The following STX11 variants were observed in gnomAD, a reference collection of about 807,000 sequenced individuals.
STX11 encodes syntaxin-11.
In STX11, 21 loss-of-function variants were observed where a neutral mutation model predicts 19.9. That is an observed-to-expected ratio of 1.06 (90% CI 0.75 to 1.52). The LOEUF (loss-of-function observed/expected upper bound fraction) is 1.52, where lower values mean the gene tolerates loss of function less well. STX11 is among the 40% of genes most tolerant of loss of function. The pLI, the probability that STX11 is intolerant of heterozygous loss-of-function variation, is 0.00. For missense variants in STX11, 438 were observed against 405.9 expected (o/e 1.08, Z -0.68); for synonymous variants, 193 against 174.4 (o/e 1.11, Z -0.84).
intron 1 of STX11, among the ~76,000 whole-genome samples, chr6:144,173,550 A>AACT (rs1270674838): frequency 6.6e-6 from 1 of 152,238 alleles, no homozygotes; most frequent in African/African-American, 2.4e-5. Context: ...TCTCTAAATA[A>AACT]TGCTTGCAAA....
In STX11 at chr6:144,175,233, A is replaced by C. The variant is rs1801749995; in HGVS notation, c.-5-11390A>C. On this transcript the variant is annotated intron_variant, in intron 1 of 1. Coordinates refer to ENST00000367568, the MANE Select transcript of STX11 (RefSeq NM_003764.4). This position sits in a 1 kb window ranked among gnomAD's most constrained non-coding sequence, Gnocchi z 5.1. ...ACTCCAGCCTGGGCAACAGAGCGAG[A>C]CCCTGTGTCAAACAATAATAATAAT... Among the ~76,000 whole-genome samples, 1 of 152,174 alleles carries C rather than the reference A, an allele frequency of 6.6e-6. No homozygotes were observed. Among genetic ancestry groups the C allele is most frequent in the African/African-American group, 2.4e-5 (1 of 41,428 alleles).
the STX11 span, among the ~76,000 whole-genome samples, chr6:144,141,293 C>T: frequency 2.2e-3 from 341 of 152,302 alleles, 6 homozygotes; most frequent in East Asian, 0.046. Context: ...ACATATCAAA[C>T]TTCAGGCCTC....
rs777737910 is a variant in STX11, at chr6:144,186,783, G to A, written c.156G>A (p.Gln52=). 6.2e-7 allele frequency: 1 copy of A among 1,613,998 alleles called. No homozygotes were observed. The highest frequency in any genetic ancestry group is 8.5e-7 in the Non-Finnish European group (1 of 1,180,006). ...ESLYRDIRDI[Q]DENQLLVADV... is the part of the protein sequence containing the mutation. ...TGTACCGAGACATCCGGGACATTCA[G>A]GATGAAAACCAGCTGCTGGTGGCCG... Residue 52 remains glutamine, a synonymous_variant, in exon 2 of 2, where the codon CAG becomes CAA. Transcript: ENST00000367568.
At chr6:144,157,332 T>C (rs994737369) in intron 1 of STX11, among the ~76,000 whole-genome samples, 15 of 152,220 alleles carry the variant, frequency 9.9e-5, no homozygotes, top group African/African-American at 2.7e-4. Flanking sequence ...CAACTAATCA[T>C]TGGATGCAGG....
At chr6:144,168,939 A>G (rs1043971819) in intron 1 of STX11, among the ~76,000 whole-genome samples, 3 of 152,256 alleles carry the variant, frequency 2.0e-5, no homozygotes, top group African/African-American at 7.2e-5. Flanking sequence ...GAGGATGAGC[A>G]GGACAGATGT....
rs925532411 is a variant in STX11 at position 144,169,640 on chromosome 6, CCTTTT to C, written c.-5-16976_-5-16972del. Among the ~76,000 whole-genome samples, 9 of 151,730 alleles carry C rather than the reference CCTTTT, an allele frequency of 5.9e-5. No homozygotes were observed. The highest frequency in any genetic ancestry group is 1.3e-4 in the Non-Finnish European group (9 of 67,892). On this transcript the variant is annotated intron_variant, in intron 1 of 1. Transcript: ENST00000367568. The surrounding 1 kb of genome is among the most constrained non-coding windows in gnomAD (Gnocchi z 5.2). ...CCCTCCTCCCCTTCCTTTTTTCTCT[CCTTTT>C]CTTTTCCCTCCCTCCCTCCCTTCCT...
chr6:144,183,665 TCAG>T lies in STX11; in HGVS notation c.-5-2954_-5-2952del, dbSNP rs908418583. The stretch of plus-strand genomic sequence containing the variant: ...AAAAAATTTAATGTACTTGCTTAGT[TCAG>T]CAGAAGCTGAGAGAGGTCTCAAGAC... On this transcript the variant is annotated intron_variant, in intron 1 of 1. Coordinates refer to ENST00000367568, the MANE Select transcript of STX11 (RefSeq NM_003764.4). This position sits in a 1 kb window ranked among gnomAD's most constrained non-coding sequence, Gnocchi z 4.6. 2.6e-5 allele frequency among the ~76,000 whole-genome samples: 4 copies of T among 152,234 alleles called. No homozygotes were observed. Among genetic ancestry groups the T allele is most frequent in the Non-Finnish European group, 4.4e-5 (3 of 68,042 alleles).
chr6:144,163,697 C>G (rs890572450), intron 1 of STX11, among the ~76,000 whole-genome samples: 2 of 152,102 alleles, frequency 1.3e-5, no homozygotes, highest in African/African-American at 4.8e-5. Context: ...GTTGGCCAGG[C>G]TGGTCTTGAA....
At position 144,183,817 on chromosome 6, in the gene STX11, G is replaced by A. The variant is rs373292037; in HGVS notation, c.-5-2806G>A. ...ATGTGCCATGGTGGTTTGCTGCACA[G>A]ATCATCCCATCACCTAGGTTTTAAG... On this transcript the variant is annotated intron_variant, in intron 1 of 1. Transcript: ENST00000367568. The surrounding 1 kb of genome is among the most constrained non-coding windows in gnomAD (Gnocchi z 4.6). 6.6e-6 allele frequency among the ~76,000 whole-genome samples: 1 copy of A among 152,114 alleles called. No individual in the cohort carries two copies. The highest frequency in any genetic ancestry group is 1.9e-4 in the East Asian group (1 of 5,196).
rs1163676560 is a variant in STX11 at position 144,186,894 on chromosome 6, C to T, written c.267C>T (p.Ile89=). 1 of 1,611,984 alleles carries T rather than the reference C, an allele frequency of 6.2e-7. No individual in the cohort carries two copies. The highest frequency in any genetic ancestry group is 1.1e-5 in the South Asian group (1 of 91,086). Residue 89 remains isoleucine, a synonymous_variant, in exon 2 of 2, where the codon ATC becomes ATT. Coordinates refer to ENST00000367568, the MANE Select transcript of STX11 (RefSeq NM_003764.4). ...LSSIKRDTNS[I]AKAIKARGEV... ...GCATCAAGCGCGACACCAACTCCAT[C>T]GCCAAGGCCATCAAGGCCCGGGGCG...
At chr6:144,148,940 C>T (rs535471605), upstream of STX11, among the ~76,000 whole-genome samples, 1 of 152,294 alleles carries the variant, frequency 6.6e-6, no homozygotes, top group Non-Finnish European at 1.5e-5. Context: ...GAATATTGGT[C>T]AGGTATTTTG....
intron 1 of STX11, among the ~76,000 whole-genome samples, chr6:144,168,401 T>C (rs1265135258): frequency 1.3e-5 from 2 of 152,238 alleles, no homozygotes; most frequent in African/African-American, 4.8e-5. Flanking sequence ...TTTTCTGCAG[T>C]GTTAATGGTA....
chr6:144,147,905 C>CA (rs1800905916), upstream of STX11, among the ~76,000 whole-genome samples: 1 of 151,980 alleles, frequency 6.6e-6, no homozygotes, highest in Non-Finnish European at 1.5e-5. The surrounding 1 kb of genome is among the most constrained non-coding windows in gnomAD (Gnocchi z 4.2). Context: ...GCTGCTGTCT[C>CA]AAAAAAATTA....
intron 1 of STX11, among the ~76,000 whole-genome samples, chr6:144,161,627 C>T (rs751429994): frequency 2.0e-5 from 3 of 152,156 alleles, no homozygotes; most frequent in Non-Finnish European, 4.4e-5. Context: ...CTCAGCCTCC[C>T]GAAGTGCTGG....
rs770734565 is a variant in STX11 at position 144,167,891 on chromosome 6, G to A, written c.-6+17188G>A. ...CTGCCTAAGCCTCCCAAAGTGCTAGGATTACAGGTGTGAACCACCATGCCT... is the reference window on the plus strand; with the variant it reads ...CTGCCTAAGCCTCCCAAAGTGCTAGAATTACAGGTGTGAACCACCATGCCT... On this transcript the variant is annotated intron_variant, in intron 1 of 1. Coordinates refer to ENST00000367568, the MANE Select transcript of STX11 (RefSeq NM_003764.4). This position sits in a 1 kb window ranked among gnomAD's most constrained non-coding sequence, Gnocchi z 5.0. Among the ~76,000 whole-genome samples, 4 of 152,132 alleles carry A rather than the reference G, an allele frequency of 2.6e-5. No homozygotes were observed. The highest frequency in any genetic ancestry group is 5.9e-5 in the Non-Finnish European group (4 of 68,030).
At position 144,153,924 on chromosome 6, in the gene STX11, G is replaced by A. The variant is rs1801069415; in HGVS notation, c.-6+3221G>A. On this transcript the variant is annotated intron_variant, in intron 1 of 1. Coordinates refer to ENST00000367568, the MANE Select transcript of STX11 (RefSeq NM_003764.4). The surrounding 1 kb of genome is among the most constrained non-coding windows in gnomAD (Gnocchi z 5.0). ...TGGTGAGGAGCTCACACAGTACTTGGCACATAATCAGTGCTCATTAAGATT... is the reference window on the plus strand; with the variant it reads ...TGGTGAGGAGCTCACACAGTACTTGACACATAATCAGTGCTCATTAAGATT... Among the ~76,000 whole-genome samples the A allele has an allele frequency of 1.3e-5, 2 of 152,224 alleles. No individual in the cohort carries two copies. The highest frequency in any genetic ancestry group is 6.5e-5 in the Admixed American group (1 of 15,292).
chr6:144,155,719 T>A lies in STX11; in HGVS notation c.-6+5016T>A, dbSNP rs993307753. Among the ~76,000 whole-genome samples the A allele has an allele frequency of 1.3e-5, 2 of 152,176 alleles. No homozygotes were observed. Among genetic ancestry groups the A allele is most frequent in the African/African-American group, 4.8e-5 (2 of 41,444 alleles). On this transcript the variant is annotated intron_variant, in intron 1 of 1. Transcript: ENST00000367568. The surrounding 1 kb of genome is among the most constrained non-coding windows in gnomAD (Gnocchi z 4.5). The stretch of plus-strand genomic sequence containing the variant: ...CCTCTAAGGCTCCTCCCCGTCCTAA[T>A]AACCATTCTGTGTCTTTTACTAATA...
In STX11 at chr6:144,162,767, G is replaced by A. The variant is rs1256578371; in HGVS notation, c.-6+12064G>A. On this transcript the variant is annotated intron_variant, in intron 1 of 1. Coordinates refer to ENST00000367568, the MANE Select transcript of STX11 (RefSeq NM_003764.4). The surrounding 1 kb of genome is among the most constrained non-coding windows in gnomAD (Gnocchi z 4.6). ...GGTTTGCCATGGTGGAGTTTGTGTA[G>A]GCCAAGACAGGCTAAGAGCAGTAAG... Among the ~76,000 whole-genome samples, 1 of 152,150 alleles carries A rather than the reference G, an allele frequency of 6.6e-6. No homozygotes were observed. Among genetic ancestry groups the A allele is most frequent in the Non-Finnish European group, 1.5e-5 (1 of 68,040 alleles).
rs777558264 is a variant in STX11 at position 144,187,497 on chromosome 6, C to T, written c.*6C>T. On this transcript the variant is annotated 3_prime_UTR_variant, in exon 2 of 2. Transcript: ENST00000367568. The surrounding 1 kb of genome is among the most constrained non-coding windows in gnomAD (Gnocchi z 5.6). ...GCTGTCCCTGCCTCAAGTAGCAGGC[C>T]GGCCCGGGCCGCCACCGCCCATCCC... is the stretch of plus-strand genomic sequence containing the variant. 3.7e-6 allele frequency: 6 copies of T among 1,611,498 alleles called. No homozygotes were observed. Among genetic ancestry groups the T allele is most frequent in the Non-Finnish European group, 4.2e-6 (5 of 1,179,880 alleles).
Sources: allele counts gnomAD v4.1 joint callset (sites outside exome capture counted in the v4.1 genomes callset), GRCh38; gene constraint gnomAD v4.1.1; non-coding constraint Gnocchi (gnomAD v3.1); transcripts MANE v1.5; gene names NCBI Gene and HGNC (gene_info 2026-07-23, HGNC 2026-07-21).